Variants in MCM4 observed in about 807,000 individuals in gnomAD.
MCM4 encodes DNA replication licensing factor MCM4.
In MCM4, 60 loss-of-function variants were observed where a neutral mutation model predicts 88.7. The ratio of observed to expected loss-of-function variants is 0.68; its 90% CI spans 0.55 to 0.84. The LOEUF (loss-of-function observed/expected upper bound fraction) is 0.84. Ranked by LOEUF, MCM4 falls within the 40% of genes least tolerant of loss-of-function variation. MCM4 has a pLI of 0.00. For missense variants in MCM4, 1,149 were observed against 1,105.5 expected (o/e 1.04, Z -0.56); for synonymous variants, 465 against 410.5 (o/e 1.13, Z -1.61).
intron 11 of MCM4, 104 bp downstream of exon 11, chr8:47,970,161 G>A: frequency 1.5e-6 from 2 of 1,337,048 alleles, no homozygotes; most frequent in Non-Finnish European, 2.1e-6. Flanking sequence ...AAAGGACAGA[G>A]TTGTGGCCTG....
intron 7 of MCM4, among the ~76,000 whole-genome samples, chr8:47,963,871 T>G (rs2090871512): frequency 6.6e-6 from 1 of 152,230 alleles, no homozygotes; most frequent in Non-Finnish European, 1.5e-5. Flanking sequence ...CCAAAAGCTG[T>G]TTCCTCATCT....
intron 15 of MCM4, chr8:47,975,343 C>T (rs1466656585): frequency 7.2e-6 from 1 of 138,196 alleles, no homozygotes; most frequent in African/African-American, 3.2e-5. Context: ...CCCCACCCCA[C>T]AACAGGCCCT....
chr8:47,967,735 G>A (rs951374377), intron 10 of MCM4, among the ~76,000 whole-genome samples: 1 of 152,140 alleles, frequency 6.6e-6, no homozygotes, highest in African/African-American at 2.4e-5. Context: ...GTGGTCACTC[G>A]CCTCTTGATA....
chr8:47,972,415 G>GGC (rs2090961887), intron 13 of MCM4, among the ~76,000 whole-genome samples: 1 of 152,104 alleles, frequency 6.6e-6, no homozygotes, highest in South Asian at 2.1e-4. Context: ...TTCCACACCA[G>GGC]GCAAAGATGC....
At chr8:47,969,319 C>T (rs2090929392) in intron 10 of MCM4, 1 of 157,508 alleles carries the variant, frequency 6.3e-6, no homozygotes, top group Non-Finnish European at 1.4e-5. Context: ...AGTCCAATGG[C>T]ACCATCTTGG....
At position 47,977,797 on chromosome 8, in the gene MCM4, T is replaced by C. The variant is rs193030147; in HGVS notation, c.*1019T>C. ...TTATTTTTTGAGAGGTATGATTCTTTCTAGAGATTTTTTCTCATGGCTACT... is the reference window on the plus strand; with the variant it reads ...TTATTTTTTGAGAGGTATGATTCTTCCTAGAGATTTTTTCTCATGGCTACT... On this transcript the variant is annotated 3_prime_UTR_variant, in exon 17 of 17. Coordinates refer to ENST00000649973, the MANE Select transcript of MCM4 (RefSeq NM_182746.3). 4 of 152,262 alleles carry C rather than the reference T, an allele frequency of 2.6e-5. No homozygotes were observed. Among genetic ancestry groups the C allele is most frequent in the Admixed American group, 2.0e-4 (3 of 15,284 alleles). The allele number at this position is 152,262 out of a possible 1,614,324, so 9.4% of individuals were successfully genotyped here.
chr8:47,961,318 G>C lies in MCM4; in HGVS notation c.70+104G>C, dbSNP rs2090827831. The C allele has an allele frequency of 2.1e-5, 30 of 1,443,548 alleles. 1 individual carries two copies. The South Asian group carries it at 4.1e-4, about 20-fold the overall frequency. 89.4% of individuals were successfully genotyped at this position (1,443,548 alleles called of 1,614,324 possible). A position where few individuals can be genotyped will look rare whatever the true frequency, so the allele number is the denominator to read the frequency against. Reference sequence around the variant, plus strand: ...TGGGTGCGCGGGACCCGGGCGCTCAGCCTCGGGCTGGGCGCTGCCGCTTGG... The same window carrying C: ...TGGGTGCGCGGGACCCGGGCGCTCACCCTCGGGCTGGGCGCTGCCGCTTGG... On this transcript the variant is annotated intron_variant, in intron 2 of 16. Coordinates refer to ENST00000649973, the MANE Select transcript of MCM4 (RefSeq NM_182746.3).
intron 12 of MCM4, 86 bp from the exon 13 acceptor site, chr8:47,971,255 G>A: frequency 2.0e-6 from 3 of 1,512,242 alleles, no homozygotes; most frequent in South Asian, 2.3e-5. Flanking sequence ...AGGGAATATG[G>A]GTTTAGTAGG....
chr8:47,976,023 G>A (rs1223789469), intron 16 of MCM4, among the ~76,000 whole-genome samples, 175 bp downstream of exon 16: 1 of 152,096 alleles, frequency 6.6e-6, no homozygotes, highest in Non-Finnish European at 1.5e-5. Flanking sequence ...TTGGCTGGGT[G>A]CAGTAGCTCA....
At position 47,973,093 on chromosome 8, in the gene MCM4, G is replaced by C. The variant is rs776631116; in HGVS notation, c.2136+29G>C. 1.0e-5 allele frequency: 16 copies of C among 1,584,718 alleles called. No homozygotes were observed. The South Asian group carries it at 1.7e-4, about 17-fold the overall frequency. On this transcript the variant is annotated intron_variant, in intron 14 of 16. Transcript: ENST00000649973. ...ACCCTGCTGAAAAAAGGCTTACTGT[G>C]CCTGTAGCCCACAGCATTAATGTAA... is the stretch of plus-strand genomic sequence containing the variant.
At chr8:47,970,098 C>G (rs776660327) in intron 11 of MCM4, 41 bp downstream of exon 11, 14 of 1,599,910 alleles carry the variant, frequency 8.8e-6, no homozygotes, top group Non-Finnish European at 1.2e-5. Context: ...ATTTACAATT[C>G]TTTGGGATCA....
At chr8:47,965,057 A>T (rs1447162473) in intron 8 of MCM4, among the ~76,000 whole-genome samples, 1 of 152,060 alleles carries the variant, frequency 6.6e-6, no homozygotes, top group Non-Finnish European at 1.5e-5. Flanking sequence ...TACTAAAAAT[A>T]GAAAAATTAC....
At chr8:47,974,422 CT>C in intron 14 of MCM4, 1 of 313,932 alleles carries the variant, frequency 3.2e-6, no homozygotes, top group Non-Finnish European at 6.2e-6. Context: ...TGCCACATTC[CT>C]TCCCTCTGCC....
At chr8:47,976,607 C>A in intron 16 of MCM4, 79 bp from the exon 17 acceptor site, 2 of 1,031,870 alleles carry the variant, frequency 1.9e-6, no homozygotes, top group Admixed American at 1.8e-5. Flanking sequence ...GGTACTTTAA[C>A]ATTATAATTA....
At position 47,969,662 on chromosome 8, in the gene MCM4, G is replaced by A. The variant is rs1051865797; in HGVS notation, c.1175-136G>A. Reference sequence around the variant, plus strand: ...GGCTTGGGAGGGTCATTTAAGAGACGGTGGAGCTCACCCTTTCCAGGGCCA... The same window carrying A: ...GGCTTGGGAGGGTCATTTAAGAGACAGTGGAGCTCACCCTTTCCAGGGCCA... On this transcript the variant is annotated intron_variant, in intron 10 of 16. Coordinates refer to ENST00000649973, the MANE Select transcript of MCM4 (RefSeq NM_182746.3). 19 of 767,126 alleles carry A rather than the reference G, an allele frequency of 2.5e-5. No homozygotes were observed. The East Asian group carries it at 2.6e-4, about 11-fold the overall frequency. The allele number at this position is 767,126 out of a possible 1,614,324, so 47.5% of individuals were successfully genotyped here.
rs756389515 is a variant in MCM4, at chr8:47,975,820, T to C, written c.2471T>C (p.Phe824Ser). ...CCAGCTCTAAAATACCAGCAACTTT[T>C]TGAAGATATTCGGGGACAATCTGAC... is the stretch of plus-strand genomic sequence containing the variant. ...KTPALKYQQL[F>S]EDIRGQSDIA... The change falls in exon 16 of 17, where the codon TTT becomes TCT. Residue 824 changes from phenylalanine to serine, a missense_variant. Transcript: ENST00000649973. The C allele has an allele frequency of 5.7e-6, 9 of 1,583,668 alleles. No individual in the cohort carries two copies. The Admixed American group carries it at 1.1e-4, about 20-fold the overall frequency.
At chr8:47,971,550 T>C (rs1056328237) in intron 13 of MCM4, 82 bp downstream of exon 13, 41 of 1,423,456 alleles carry the variant, frequency 2.9e-5, no homozygotes, top group South Asian at 4.8e-5. Flanking sequence ...TTTCAGCAAC[T>C]GCTAATGGAA....
chr8:47,962,052 G>A lies in MCM4; in HGVS notation c.236-1G>A, dbSNP rs747771952. 6.2e-7 allele frequency: 1 copy of A among 1,613,818 alleles called. No individual in the cohort carries two copies. The highest frequency in any genetic ancestry group is 1.7e-5 in the Admixed American group (1 of 59,954). On this transcript the variant is annotated splice_acceptor_variant, in intron 3 of 16. Coordinates refer to ENST00000649973, the MANE Select transcript of MCM4 (RefSeq NM_182746.3). LOFTEE classifies it high-confidence loss of function. ...AGAATTTCCTAATTTTGTTTTTATA[G>A]CTATCCCTCTTGACTTTGATGTTAG...
At chr8:47,973,131 C>G in intron 14 of MCM4, 67 bp downstream of exon 14, 1 of 1,284,682 alleles carries the variant, frequency 7.8e-7, no homozygotes, top group Non-Finnish European at 1.1e-6. Context: ...GACCAATCAT[C>G]TCCTTTAAAA....
Sources: gnomAD v4.1 joint callset for allele counts (sites outside exome capture counted in the v4.1 genomes callset) on GRCh38, gnomAD v4.1.1 for gene constraint, MANE v1.5 for transcripts, NCBI Gene and HGNC (gene_info 2026-07-23, HGNC 2026-07-21) for gene names.